PRKAR1B: variants seen among roughly 807,000 people sequenced by gnomAD.
PRKAR1B encodes the protein protein kinase cAMP-dependent type I regulatory subunit beta.
A neutral mutation model predicts 46.5 loss-of-function variants in PRKAR1B; 22 were observed. That is an observed-to-expected ratio of 0.47 (90% CI 0.34 to 0.68). PRKAR1B has a LOEUF of 0.68. Ranked by LOEUF, PRKAR1B falls within the 30% of genes least tolerant of loss-of-function variation. The pLI, the probability that PRKAR1B is intolerant of heterozygous loss-of-function variation, is 0.01. For missense variants in PRKAR1B, 445 were observed against 535.6 expected (o/e 0.83, Z 1.67); for synonymous variants, 259 against 217.7 (o/e 1.19, Z -1.67).
chr7:589,578 G>A (rs1039971018), intron 7 of PRKAR1B, among the ~76,000 whole-genome samples: 1 of 152,138 alleles, frequency 6.6e-6, no homozygotes, highest in African/African-American at 2.4e-5. Flanking sequence ...AGAGGCTCAG[G>A]GTCGGTGTGG....
At chr7:669,280 T>C (rs1471791131) in intron 4 of PRKAR1B, among the ~76,000 whole-genome samples, 11 of 152,194 alleles carry the variant, frequency 7.2e-5, no homozygotes, top group Non-Finnish European at 7.3e-5. Flanking sequence ...ATGAAATATT[T>C]AGAATAGGCA....
chr7:727,217 A>G lies in PRKAR1B; in HGVS notation c.-30T>C. 1 of 1,350,722 alleles carries G rather than the reference A, an allele frequency of 7.4e-7. No homozygotes were observed. The highest frequency in any genetic ancestry group is 9.5e-7 in the Non-Finnish European group (1 of 1,050,586). The allele number at this position is 1,350,722 out of a possible 1,614,324, so 83.7% of individuals were successfully genotyped here. On this transcript the variant is annotated 5_prime_UTR_variant, in exon 1 of 11. Transcript: ENST00000537384. ...GCCGCGCTCGCGCCCCACCTGGACG[A>G]CGCTCTGCGCGCGCTGCGCTGCTCC...
intron 8 of PRKAR1B, among the ~76,000 whole-genome samples, chr7:582,743 G>A (rs956018009): frequency 6.6e-6 from 1 of 152,224 alleles, no homozygotes; most frequent in African/African-American, 2.4e-5. Context: ...GAGTCTGTGG[G>A]CACAGGGCTG....
chr7:573,271 G>A (rs1411230336), intron 9 of PRKAR1B, among the ~76,000 whole-genome samples: 1 of 152,216 alleles, frequency 6.6e-6, no homozygotes, highest in East Asian at 1.9e-4. Context: ...CTCGGGTTGA[G>A]TTTCGTCCCG....
rs555948440 is a variant in PRKAR1B, at chr7:709,817, C to T, written c.177+1512G>A. Reference sequence around the variant, plus strand: ...GGGTAGCTGGGACCACAAGCAGGTGCCACCACACCCAGCAAACTTTTTAAA... The same window carrying T: ...GGGTAGCTGGGACCACAAGCAGGTGTCACCACACCCAGCAAACTTTTTAAA... On this transcript the variant is annotated intron_variant, in intron 2 of 10. Coordinates refer to ENST00000537384, the MANE Select transcript of PRKAR1B (RefSeq NM_001164760.2). 2.6e-5 allele frequency among the ~76,000 whole-genome samples: 4 copies of T among 152,248 alleles called. No homozygotes were observed. The South Asian group carries it at 8.3e-4, about 32-fold the overall frequency.
chr7:558,041 T>C (rs1462272970), intron 9 of PRKAR1B, among the ~76,000 whole-genome samples: 1 of 151,920 alleles, frequency 6.6e-6, no homozygotes, highest in Non-Finnish European at 1.5e-5. Flanking sequence ...AGCTCAGACG[T>C]AGTGGCTCAC....
intron 6 of PRKAR1B, among the ~76,000 whole-genome samples, chr7:599,785 G>GGGAGTGT (rs1285186442): frequency 2.1e-4 from 32 of 148,902 alleles, no homozygotes; most frequent in Non-Finnish European, 2.5e-4. Context: ...CACATGGGCA[G>GGGAGTGT]GCCCCCCATT....
chr7:600,719 G>A (rs1781541869), intron 6 of PRKAR1B, among the ~76,000 whole-genome samples: 1 of 152,116 alleles, frequency 6.6e-6, no homozygotes, highest in Non-Finnish European at 1.5e-5. Flanking sequence ...CTGGGACGGG[G>A]AGCAAAAAGA....
intron 9 of PRKAR1B, among the ~76,000 whole-genome samples, chr7:552,713 C>T (rs1455505128): frequency 1.3e-5 from 2 of 152,170 alleles, no homozygotes; most frequent in African/African-American, 2.4e-5. Flanking sequence ...GCGGAGGAGC[C>T]GGGAGGGGAC....
intron 4 of PRKAR1B, among the ~76,000 whole-genome samples, chr7:616,830 T>C (rs1201757785): frequency 2.0e-5 from 3 of 152,154 alleles, no homozygotes; most frequent in Non-Finnish European, 2.9e-5. Flanking sequence ...CCCAACCTCA[T>C]GTATTTTTGG....
At position 667,754 on chromosome 7, in the gene PRKAR1B, G is replaced by A. The variant is rs1195659412; in HGVS notation, c.440+9475C>T. On this transcript the variant is annotated intron_variant, in intron 4 of 10. Coordinates refer to ENST00000537384, the MANE Select transcript of PRKAR1B (RefSeq NM_001164760.2). This position sits in a 1 kb window ranked among gnomAD's most constrained non-coding sequence, Gnocchi z 4.3. ...TGCTCCTGAGGAGTTGTGGGGCCTT[G>A]GACAAGGACAGGGAAGGAAACTGAG... 1.3e-5 allele frequency among the ~76,000 whole-genome samples: 2 copies of A among 152,090 alleles called. No homozygotes were observed. Among genetic ancestry groups the A allele is most frequent in the Non-Finnish European group, 2.9e-5 (2 of 68,014 alleles).
intron 4 of PRKAR1B, among the ~76,000 whole-genome samples, chr7:641,215 G>T (rs1784369099): frequency 6.6e-6 from 1 of 152,096 alleles, no homozygotes. Context: ...GCCTCCCAAA[G>T]TTCTGGGATT....
chr7:726,762 C>G, intron 1 of PRKAR1B: 2 of 1,256,880 alleles, frequency 1.6e-6, no homozygotes, highest in Non-Finnish European at 2.0e-6. Context: ...CGGCCCCACA[C>G]CCGGCTGAGG....
chr7:677,918 A>G (rs1341276812), intron 3 of PRKAR1B, among the ~76,000 whole-genome samples: 1 of 152,222 alleles, frequency 6.6e-6, no homozygotes, highest in Non-Finnish European at 1.5e-5. Context: ...AAATCTGTAC[A>G]GGATGTGGCC....
chr7:619,736 C>G (rs948350405), intron 4 of PRKAR1B, among the ~76,000 whole-genome samples: 5 of 152,272 alleles, frequency 3.3e-5, no homozygotes, highest in African/African-American at 1.2e-4. Context: ...TGCTGAGCCT[C>G]AGCTCTTGGT....
In PRKAR1B at chr7:607,418, TGTGA is replaced by T; in HGVS notation, c.471_474del (p.His158SerfsTer28). 6.2e-7 allele frequency: 1 copy of T among 1,613,964 alleles called. No individual in the cohort carries two copies. The highest frequency in any genetic ancestry group is 8.5e-7 in the Non-Finnish European group (1 of 1,179,864). ...TGCTGTATAACAGTCTCCCCAGCGA[TGTGA>T]GTGACAGGGAACATGGCATCGAATA... is the stretch of plus-strand genomic sequence containing the variant. On this transcript the variant is annotated frameshift_variant, in exon 5 of 11. Transcript: ENST00000537384. LOFTEE classifies it high-confidence loss of function.
At position 593,455 on chromosome 7, in the gene PRKAR1B, C is replaced by G. The variant is rs1339203311; in HGVS notation, c.708+2691G>C. ...AGCGCACAGGGACCCAAAATTAAAA[C>G]AGAGGAAGCGCCAGCTCCCTCAGTG... On this transcript the variant is annotated intron_variant, in intron 7 of 10. Transcript: ENST00000537384. The surrounding 1 kb of genome is among the most constrained non-coding windows in gnomAD (Gnocchi z 6.1). 2.0e-5 allele frequency among the ~76,000 whole-genome samples: 3 copies of G among 152,208 alleles called. No homozygotes were observed. Among genetic ancestry groups the G allele is most frequent in the African/African-American group, 7.2e-5 (3 of 41,444 alleles).
chr7:707,292 A>G lies in PRKAR1B; in HGVS notation c.177+4037T>C, dbSNP rs145470339. Among the ~76,000 whole-genome samples the G allele has an allele frequency of 8.5e-3, 1,302 of 152,322 alleles. 11 individuals are homozygous for G. Among genetic ancestry groups the G allele is most frequent in the Middle Eastern group, 0.031 (9 of 294 alleles). On this transcript the variant is annotated intron_variant, in intron 2 of 10. Transcript: ENST00000537384. The stretch of plus-strand genomic sequence containing the variant: ...AGAAAACAAACAAAAATCACCTGCA[A>G]TCGTGCCCTGAGACGCCACTCTTTT...
At position 595,247 on chromosome 7, in the gene PRKAR1B, C is replaced by T. The variant is rs138847862; in HGVS notation, c.708+899G>A. Reference sequence around the variant, plus strand: ...CCTCACGCTCCTGGGCTGCTTCCGGCACCCGGGCGTCCTGCCCTGAGGCTC... The same window carrying T: ...CCTCACGCTCCTGGGCTGCTTCCGGTACCCGGGCGTCCTGCCCTGAGGCTC... On this transcript the variant is annotated intron_variant, in intron 7 of 10. Coordinates refer to ENST00000537384, the MANE Select transcript of PRKAR1B (RefSeq NM_001164760.2). 5.4e-3 allele frequency among the ~76,000 whole-genome samples: 819 copies of T among 152,328 alleles called. 4 individuals are homozygous for T. Among genetic ancestry groups the T allele is most frequent in the Middle Eastern group, 0.01 (3 of 294 alleles).
Sources: gnomAD v4.1 joint callset for allele counts (sites outside exome capture counted in the v4.1 genomes callset) on GRCh38, gnomAD v4.1.1 for gene constraint, Gnocchi (gnomAD v3.1) non-coding constraint, MANE v1.5 for transcripts, NCBI Gene and HGNC (gene_info 2026-07-23, HGNC 2026-07-21) for gene names.